ERG: variants seen among roughly 807,000 people sequenced by gnomAD.
ERG encodes transcriptional regulator ERG.
A neutral mutation model predicts 55.3 loss-of-function variants in ERG; 9 were observed. The observed-to-expected ratio is 0.16, with a 90% CI of 0.10 to 0.28. ERG has a LOEUF of 0.28. ERG is among the 10% of genes least tolerant of loss of function. The pLI, the probability that ERG is intolerant of heterozygous loss-of-function variation, is 1.00. For synonymous variants in ERG, 223 were observed against 237.3 expected (o/e 0.94, Z 0.55); for missense variants, 434 against 631.6 (o/e 0.69, Z 3.35).
At chr21:38,619,331 C>T (rs2060276684) in intron 1 of ERG, among the ~76,000 whole-genome samples, 1 of 152,092 alleles carries the variant, frequency 6.6e-6, no homozygotes, top group Admixed American at 6.5e-5. Flanking sequence ...GACATTTCCT[C>T]ATCCTCCTCC....
chr21:38,525,787 A>G (rs2059626227), intron 2 of ERG, among the ~76,000 whole-genome samples: 1 of 152,242 alleles, frequency 6.6e-6, no homozygotes, highest in South Asian at 2.1e-4. Flanking sequence ...CAAGTCGCAA[A>G]GTCTTTGCCA....
intron 1 of ERG, among the ~76,000 whole-genome samples, chr21:38,595,117 C>T (rs563798911): frequency 4.1e-5 from 6 of 146,932 alleles, no homozygotes; most frequent in Admixed American, 6.7e-5. Context: ...AGGGCCAAGA[C>T]GTGGGGAGAG....
At chr21:38,599,682 T>C (rs2060153005) in intron 1 of ERG, among the ~76,000 whole-genome samples, 1 of 152,122 alleles carries the variant, frequency 6.6e-6, no homozygotes. Flanking sequence ...GGACGAACAA[T>C]AGGCTTTTAA....
intron 2 of ERG, among the ~76,000 whole-genome samples, chr21:38,538,206 A>T (rs954806247): frequency 5.3e-5 from 8 of 152,156 alleles, no homozygotes; most frequent in Admixed American, 5.2e-4. Context: ...AATGGGTTGG[A>T]GTGTCAGTGT....
At chr21:38,518,236 G>GTCTC (rs2059566820) in intron 2 of ERG, among the ~76,000 whole-genome samples, 1 of 145,368 alleles carries the variant, frequency 6.9e-6, no homozygotes, top group African/African-American at 2.6e-5. Context: ...GTGTGTGTGT[G>GTCTC]TATCTATCTA....
At chr21:38,408,097 A>G (rs1038597808) in intron 3 of ERG, among the ~76,000 whole-genome samples, 9 of 152,114 alleles carry the variant, frequency 5.9e-5, no homozygotes, top group Non-Finnish European at 1.0e-4. Flanking sequence ...TGATCTCCAC[A>G]CCTCTGCCCT....
chr21:38,600,734 G>A (rs1223238661), intron 1 of ERG, among the ~76,000 whole-genome samples: 1 of 152,134 alleles, frequency 6.6e-6, no homozygotes, highest in Non-Finnish European at 1.5e-5. Context: ...AAACAATTAA[G>A]GCACATTTCT....
At chr21:38,610,637 G>A (rs933933884) in intron 1 of ERG, among the ~76,000 whole-genome samples, 4 of 152,222 alleles carry the variant, frequency 2.6e-5, no homozygotes, top group Admixed American at 2.0e-4. Context: ...AATTGTACCA[G>A]TGCTTAAAGA....
rs75434596 is a variant in ERG, at chr21:38,630,426, C to G, written c.-150+31232G>C. 5.1e-3 allele frequency among the ~76,000 whole-genome samples: 784 copies of G among 152,242 alleles called. 15 individuals carry two copies. Among genetic ancestry groups the G allele is most frequent in the Admixed American group, 0.038 (577 of 15,284 alleles). On this transcript the variant is annotated intron_variant, in intron 1 of 10. Coordinates refer to the ERG transcript ENST00000398910. ...TTATGATCCAACATGGCTGCTCCAA[C>G]TCCAGTCATCATCTCAGCCATGCAA... is the stretch of plus-strand genomic sequence containing the variant.
intron 2 of ERG, among the ~76,000 whole-genome samples, chr21:38,431,151 C>T (rs184922936): frequency 2.0e-4 from 30 of 152,218 alleles, no homozygotes; most frequent in African/African-American, 6.5e-4. Flanking sequence ...GAAAAGGACA[C>T]GGCAAAGAAT....
chr21:38,591,667 G>A (rs2060100948), intron 1 of ERG, among the ~76,000 whole-genome samples: 1 of 152,164 alleles, frequency 6.6e-6, no homozygotes, highest in Non-Finnish European at 1.5e-5. Flanking sequence ...ACTCCAGCCT[G>A]GGGGACAGAG....
chr21:38,512,612 A>C (rs1278753877), intron 2 of ERG, among the ~76,000 whole-genome samples: 1 of 152,236 alleles, frequency 6.6e-6, no homozygotes, highest in Admixed American at 6.5e-5. Flanking sequence ...AGTTTTAGAA[A>C]ATTATCACAT....
At chr21:38,659,389 C>G (rs182321362) in intron 1 of ERG, among the ~76,000 whole-genome samples, 1 of 152,392 alleles carries the variant, frequency 6.6e-6, no homozygotes, top group African/African-American at 2.4e-5. Flanking sequence ...GCCTGATCCT[C>G]CTGTGGATGA....
intron 1 of ERG, among the ~76,000 whole-genome samples, chr21:38,620,070 T>G (rs1238134006): frequency 1.3e-5 from 2 of 152,208 alleles, no homozygotes; most frequent in Non-Finnish European, 2.9e-5. Flanking sequence ...AGTGCTGCAC[T>G]TGGTTGGAAT....
In ERG at chr21:38,532,943, T is replaced by C. The variant is rs922549873; in HGVS notation, c.-41+42719A>G. Among the ~76,000 whole-genome samples, 3 of 152,266 alleles carry C rather than the reference T, an allele frequency of 2.0e-5. No individual in the cohort carries two copies. In the East Asian group the frequency reaches 5.8e-4, roughly 29 times the overall value. On this transcript the variant is annotated intron_variant, in intron 2 of 8. Coordinates refer to the ERG transcript ENST00000398897. ...GATTTTAGAGACATTTGGTCAAAAATGATCTACTTGTAATAAGCCATCTGA... is the reference window on the plus strand; with the variant it reads ...GATTTTAGAGACATTTGGTCAAAAACGATCTACTTGTAATAAGCCATCTGA...
At chr21:38,552,456 C>T (rs1183413163) in intron 2 of ERG, among the ~76,000 whole-genome samples, 2 of 152,072 alleles carry the variant, frequency 1.3e-5, no homozygotes, top group Non-Finnish European at 2.9e-5. Flanking sequence ...TAAACCAAAT[C>T]CAGTACCACA....
At chr21:38,436,356 T>C (rs2146535292) in intron 2 of ERG, among the ~76,000 whole-genome samples, 1 of 152,314 alleles carries the variant, frequency 6.6e-6, no homozygotes, top group East Asian at 1.9e-4. Context: ...TAAATGTTTC[T>C]AAAATGTGTA....
intron 2 of ERG, among the ~76,000 whole-genome samples, chr21:38,564,570 ACTT>A (rs369516217): frequency 6.5e-4 from 98 of 151,166 alleles, no homozygotes; most frequent in Non-Finnish European, 1.2e-3. Context: ...AGCTGTCTGC[ACTT>A]CTTCTCTCTC....
intron 2 of ERG, among the ~76,000 whole-genome samples, chr21:38,424,074 GA>G (rs1267968174): frequency 6.6e-6 from 1 of 152,140 alleles, no homozygotes; most frequent in African/African-American, 2.4e-5. Flanking sequence ...CCAATGTGAT[GA>G]TATTAGGAGA....
Sources: allele counts gnomAD v4.1 joint callset (sites outside exome capture counted in the v4.1 genomes callset), GRCh38; gene constraint gnomAD v4.1.1; transcripts MANE v1.5; gene names NCBI Gene and HGNC (gene_info 2026-07-23, HGNC 2026-07-21).